MCU: variants seen among roughly 807,000 people sequenced by gnomAD.
MCU encodes the protein calcium uniporter protein, mitochondrial.
MCU carries 12 observed loss-of-function variants against 45.2 expected under a neutral mutation model. The ratio of observed to expected loss-of-function variants is 0.27; its 90% CI spans 0.17 to 0.43. The LOEUF is 0.43. Ranked by LOEUF, MCU falls within the 20% of genes least tolerant of loss-of-function variation. The pLI, the probability that MCU is intolerant of heterozygous loss-of-function variation, is 1.00. For synonymous variants in MCU, 160 were observed against 165.1 expected (o/e 0.97, Z 0.24); for missense variants, 324 against 436.7 (o/e 0.74, Z 2.30).
chr10:72,858,176 G>A (rs1174366562), intron 2 of MCU, among the ~76,000 whole-genome samples: 2 of 152,138 alleles, frequency 1.3e-5, no homozygotes, highest in African/African-American at 2.4e-5. Context: ...TGAGCAGGGT[G>A]GCCAAATATA....
chr10:72,746,375 C>CA (rs759001868), intron 1 of MCU, among the ~76,000 whole-genome samples: 10 of 152,174 alleles, frequency 6.6e-5, no homozygotes, highest in Non-Finnish European at 1.2e-4. Context: ...TTGTAAAAAA[C>CA]AAAGATTTTT....
At chr10:72,815,163 G>GT (rs1430981454) in intron 1 of MCU, among the ~76,000 whole-genome samples, 2 of 152,362 alleles carry the variant, frequency 1.3e-5, no homozygotes, top group South Asian at 4.1e-4. Flanking sequence ...CAGCCATATA[G>GT]TTTCTGTTAC....
At chr10:72,879,539 A>G (rs1845669018) in intron 6 of MCU, among the ~76,000 whole-genome samples, 1 of 152,196 alleles carries the variant, frequency 6.6e-6, no homozygotes, top group African/African-American at 2.4e-5. Context: ...ACATTTTCAG[A>G]CAGAGAATTT....
At chr10:72,787,371 C>T (rs1844089818) in intron 1 of MCU, among the ~76,000 whole-genome samples, 2 of 152,170 alleles carry the variant, frequency 1.3e-5, no homozygotes, top group South Asian at 2.1e-4. Context: ...CGGCTTCAAG[C>T]AGTTCTCCTG....
At chr10:72,784,898 G>C (rs1265028832) in intron 1 of MCU, among the ~76,000 whole-genome samples, 1 of 152,110 alleles carries the variant, frequency 6.6e-6, no homozygotes, top group Non-Finnish European at 1.5e-5. Context: ...GTTGGAGTGA[G>C]GAGCAAAACA....
At chr10:72,700,492 T>A (rs1235057226) in intron 1 of MCU, among the ~76,000 whole-genome samples, 1 of 152,268 alleles carries the variant, frequency 6.6e-6, no homozygotes, top group African/African-American at 2.4e-5. Flanking sequence ...ATGCATTTAT[T>A]TCACTGCACT....
At chr10:72,775,280 T>C (rs960803017) in intron 1 of MCU, among the ~76,000 whole-genome samples, 2 of 152,064 alleles carry the variant, frequency 1.3e-5, no homozygotes, top group Non-Finnish European at 2.9e-5. Context: ...TTAAACAACA[T>C]GCTCCTGAAT....
chr10:72,824,735 A>G (rs968496970), intron 1 of MCU, among the ~76,000 whole-genome samples: 2 of 152,120 alleles, frequency 1.3e-5, no homozygotes, highest in African/African-American at 4.8e-5. Context: ...GAGGGTAGAG[A>G]GTGATTTTTA....
At chr10:72,718,744 A>G (rs1842984203) in intron 1 of MCU, among the ~76,000 whole-genome samples, 1 of 152,226 alleles carries the variant, frequency 6.6e-6, no homozygotes, top group Non-Finnish European at 1.5e-5. Context: ...AGTGCCCATC[A>G]ACAGTAGAAT....
At chr10:72,699,302 C>T (rs945544311) in intron 1 of MCU, among the ~76,000 whole-genome samples, 15 of 151,908 alleles carry the variant, frequency 9.9e-5, no homozygotes, top group Non-Finnish European at 1.5e-5. Flanking sequence ...GTCAGGAGTT[C>T]GAGACCAGCC....
At chr10:72,783,325 A>T (rs1317637448) in intron 1 of MCU, among the ~76,000 whole-genome samples, 2 of 152,250 alleles carry the variant, frequency 1.3e-5, no homozygotes, top group Non-Finnish European at 2.9e-5. Context: ...TGTCCAAAAC[A>T]GTGTGATGCT....
chr10:72,792,707 C>A (rs1844181961), intron 1 of MCU, among the ~76,000 whole-genome samples: 1 of 144,118 alleles, frequency 6.9e-6, no homozygotes, highest in African/African-American at 2.6e-5. Context: ...CCCCTCCCCC[C>A]CACCCCCACC....
chr10:72,834,077 T>C (rs1243534864), intron 1 of MCU, among the ~76,000 whole-genome samples: 1 of 152,322 alleles, frequency 6.6e-6, no homozygotes, highest in Non-Finnish European at 1.5e-5. Flanking sequence ...AAAACATGAT[T>C]TGTATAATTC....
rs146313171 is a variant in MCU, at chr10:72,737,857, G to A, written c.150+45556G>A. On this transcript the variant is annotated intron_variant, in intron 1 of 7. Transcript: ENST00000373053. The stretch of plus-strand genomic sequence containing the variant: ...TTCTGTTTCTTACCTTTGACTTGAA[G>A]TTCAAGAGTGAGCTGTATAGGCACC... 1.1e-3 allele frequency among the ~76,000 whole-genome samples: 166 copies of A among 152,184 alleles called. 1 individual carries two copies. The highest frequency in any genetic ancestry group is 3.8e-3 in the African/African-American group (158 of 41,532).
chr10:72,771,788 A>G (rs1387370077), intron 1 of MCU, among the ~76,000 whole-genome samples: 1 of 152,090 alleles, frequency 6.6e-6, no homozygotes, highest in Non-Finnish European at 1.5e-5. Context: ...CCTTGCATTC[A>G]TTAGCTATTT....
intron 1 of MCU, among the ~76,000 whole-genome samples, chr10:72,821,478 ATCTT>A (rs1844711093): frequency 6.6e-6 from 1 of 152,166 alleles, no homozygotes; most frequent in Non-Finnish European, 1.5e-5. Flanking sequence ...ACCCATTCCT[ATCTT>A]TCTTTCCAGT....
chr10:72,859,527 T>G (rs1257649655), intron 3 of MCU, among the ~76,000 whole-genome samples, 180 bp downstream of exon 3: 2 of 152,206 alleles, frequency 1.3e-5, no homozygotes, highest in Non-Finnish European at 2.9e-5. Flanking sequence ...CCAGTGGTAC[T>G]CAGAGTATAA....
chr10:72,758,000 G>A (rs1284672039), intron 1 of MCU, among the ~76,000 whole-genome samples: 1 of 152,206 alleles, frequency 6.6e-6, no homozygotes, highest in Non-Finnish European at 1.5e-5. Flanking sequence ...AGAAAAGCAG[G>A]TTAACACTTC....
intron 1 of MCU, among the ~76,000 whole-genome samples, chr10:72,803,165 A>C (rs1844368336): frequency 6.6e-6 from 1 of 151,970 alleles, no homozygotes; most frequent in African/African-American, 2.4e-5. Flanking sequence ...ATTATTGTGG[A>C]GGAGAATATA....
Sources: allele counts gnomAD v4.1 joint callset (sites outside exome capture counted in the v4.1 genomes callset), GRCh38; gene constraint gnomAD v4.1.1; transcripts MANE v1.5; gene names NCBI Gene and HGNC (gene_info 2026-07-23, HGNC 2026-07-21).